Variants in ZNF445 observed in about 807,000 individuals in gnomAD.
ZNF445 encodes the protein zinc finger protein 168.
ZNF445 carries 19 observed loss-of-function variants against 93.9 expected under a neutral mutation model. The ratio of observed to expected loss-of-function variants is 0.20; its 90% CI spans 0.14 to 0.30. The LOEUF is 0.30. Ranked by LOEUF, ZNF445 falls within the 10% of genes least tolerant of loss-of-function variation. ZNF445 has a pLI of 1.00. For synonymous variants in ZNF445, 449 were observed against 446.3 expected, an observed-to-expected ratio of 1.01 and a Z score of -0.08; for missense variants, 1,058 against 1,259.4, an observed-to-expected ratio of 0.84 and a Z score of 2.42.
Position 44,444,860 on chromosome 3 carries a change from G to C in ZNF445, c.*1715C>G, listed in dbSNP as rs972825870. 1 of 152,158 alleles carries C rather than the reference G, an allele frequency of 6.6e-6. No homozygotes were observed. The highest frequency in any genetic ancestry group is 1.5e-5 in the Non-Finnish European group (1 of 68,054). The allele number at this position is 152,158 out of a possible 1,614,324, so 9.4% of individuals were successfully genotyped here. ...TCAAGAAATGACCAGCTCCATGAACGGGCCCCTATAGTCAGGACACTGCTC... is the reference window on the plus strand; with the variant it reads ...TCAAGAAATGACCAGCTCCATGAACCGGCCCCTATAGTCAGGACACTGCTC... On this transcript the variant is annotated 3_prime_UTR_variant, in exon 8 of 8. Coordinates refer to ENST00000396077, the MANE Select transcript of ZNF445 (RefSeq NM_181489.6).
chr3:44,472,976 A>G (rs1159581844), intron 1 of ZNF445, among the ~76,000 whole-genome samples: 2 of 152,132 alleles, frequency 1.3e-5, no homozygotes, highest in Admixed American at 6.5e-5. Flanking sequence ...CAAGATCTTG[A>G]TATTTTTCAA....
rs1697777796 is a variant in ZNF445, at chr3:44,439,963, G to A, written c.*6612C>T. On this transcript the variant is annotated 3_prime_UTR_variant, in exon 8 of 8. Coordinates refer to ENST00000396077, the MANE Select transcript of ZNF445 (RefSeq NM_181489.6). ...TTCCCCTCTGACGCAAAGAGGAAGTGGCTGGGCTTTCTTATCAGCTTGTCC... is the reference window on the plus strand; with the variant it reads ...TTCCCCTCTGACGCAAAGAGGAAGTAGCTGGGCTTTCTTATCAGCTTGTCC... 6.6e-6 allele frequency: 1 copy of A among 152,158 alleles called. No homozygotes were observed. The highest frequency in any genetic ancestry group is 6.5e-5 in the Admixed American group (1 of 15,278). 9.4% of individuals were successfully genotyped at this position (152,158 alleles called of 1,614,324 possible). A position where few individuals can be genotyped will look rare whatever the true frequency, so the allele number is the denominator to read the frequency against.
intron 1 of ZNF445, among the ~76,000 whole-genome samples, chr3:44,475,506 T>C (rs1698335308): frequency 6.6e-6 from 1 of 152,122 alleles, no homozygotes; most frequent in Non-Finnish European, 1.5e-5. Context: ...AGCCAGGTAT[T>C]AAAGATTAAC....
rs981875452 is a variant in ZNF445 at position 44,433,450 on chromosome 3, G to C, written c.*13125C>G. On this transcript the variant is annotated 3_prime_UTR_variant, in exon 8 of 8. Transcript: ENST00000396077. ...CTTTCCTGCTGAGACAGGAGATTGAGGATGTGGACATTTTGTTGAGGAAAG... is the reference window on the plus strand; with the variant it reads ...CTTTCCTGCTGAGACAGGAGATTGACGATGTGGACATTTTGTTGAGGAAAG... The C allele has an allele frequency of 2.0e-5, 3 of 152,206 alleles. No homozygotes were observed. The highest frequency in any genetic ancestry group is 6.5e-5 in the Admixed American group (1 of 15,270). 9.4% of individuals were successfully genotyped at this position (152,206 alleles called of 1,614,324 possible). A position where few individuals can be genotyped will look rare whatever the true frequency, so the allele number is the denominator to read the frequency against.
Position 44,436,853 on chromosome 3 carries a change from C to T in ZNF445, c.*9722G>A, listed in dbSNP as rs1428379086. ...AAATCTCTGCTTAATTATCCCATATCGAATAATTCAGCTTGATCTGACTTT... is the reference window on the plus strand; with the variant it reads ...AAATCTCTGCTTAATTATCCCATATTGAATAATTCAGCTTGATCTGACTTT... On this transcript the variant is annotated 3_prime_UTR_variant, in exon 8 of 8. Transcript: ENST00000396077. 1.3e-5 allele frequency: 2 copies of T among 152,198 alleles called. No individual in the cohort carries two copies. Among genetic ancestry groups the T allele is most frequent in the African/African-American group, 4.8e-5 (2 of 41,452 alleles). 9.4% of individuals were successfully genotyped at this position (152,198 alleles called of 1,614,324 possible).
chr3:44,473,470 CACACACACACACACACACACAA>C (rs1304907527), intron 1 of ZNF445, among the ~76,000 whole-genome samples: 1 of 122,382 alleles, frequency 8.2e-6, no homozygotes, highest in Non-Finnish European at 1.7e-5. Context: ...CACACACACA[CACACACACACACACACACACAA>C]AAAATGCTTT....
rs920260396 is a variant in ZNF445, at chr3:44,443,669, T to G, written c.*2906A>C. On this transcript the variant is annotated 3_prime_UTR_variant, in exon 8 of 8. Coordinates refer to ENST00000396077, the MANE Select transcript of ZNF445 (RefSeq NM_181489.6). ...TACTGAGGAGGCTGAGGCAGGAGAA[T>G]GGTGTGAGCCCAGGAGGCAGAGCTT... The G allele has an allele frequency of 2.0e-5, 3 of 151,268 alleles. No homozygotes were observed. Among genetic ancestry groups the G allele is most frequent in the Non-Finnish European group, 4.4e-5 (3 of 67,888 alleles). 9.4% of individuals were successfully genotyped at this position (151,268 alleles called of 1,614,324 possible). A position where few individuals can be genotyped will look rare whatever the true frequency, so the allele number is the denominator to read the frequency against.
chr3:44,471,556 A>C (rs1186010768), intron 1 of ZNF445, among the ~76,000 whole-genome samples: 1 of 152,266 alleles, frequency 6.6e-6, no homozygotes, highest in Admixed American at 6.5e-5. Flanking sequence ...TGAAATTAAA[A>C]GAGCCACCAC....
chr3:44,477,308 T>C lies in ZNF445; in HGVS notation c.-269+283A>G, dbSNP rs371039167. On this transcript the variant is annotated intron_variant, in intron 1 of 7. Transcript: ENST00000396077. ...TCTACTTTCCCGTGTTATCTAATTG[T>C]CTCTGATAAATACGCTTTATATGCA... is the stretch of plus-strand genomic sequence containing the variant. Among the ~76,000 whole-genome samples, 120 of 152,340 alleles carry C rather than the reference T, an allele frequency of 7.9e-4. No individual in the cohort carries two copies. In the East Asian group the frequency reaches 0.021, roughly 27 times the overall value.
rs199924573 is a variant in ZNF445 at position 44,448,157 on chromosome 3, C to T, written c.1514G>A (p.Arg505Lys). Residue 505 changes from arginine (R) to lysine (K), a missense_variant, in exon 8 of 8, where the codon AGA becomes AAA. By Grantham distance (26) the Arg-to-Lys change is conservative. Transcript: ENST00000396077. ...SHSSHLAYHQ[R>K]LHTQEKAFKC... ...AAATGCTTTCTCTTGAGTGTGAAGT[C>T]TCTGATGATACGCAAGATGGGAGCT... 2.4e-5 allele frequency: 38 copies of T among 1,614,166 alleles called. 1 individual carries two copies. In the East Asian group the frequency reaches 3.6e-4, roughly 15 times the overall value.
At chr3:44,473,841 A>G (rs576041315) in intron 1 of ZNF445, among the ~76,000 whole-genome samples, 2 of 121,028 alleles carry the variant, frequency 1.7e-5, no homozygotes, top group Non-Finnish European at 3.8e-5. Flanking sequence ...TGCAAAGAAT[A>G]AAATAAGTAT....
rs975268734 is a variant in ZNF445 at position 44,436,501 on chromosome 3, C to T, written c.*10074G>A. 3 of 152,200 alleles carry T rather than the reference C, an allele frequency of 2.0e-5. No individual in the cohort carries two copies. Among genetic ancestry groups the T allele is most frequent in the Non-Finnish European group, 4.4e-5 (3 of 68,036 alleles). The allele number at this position is 152,200 out of a possible 1,614,324, so 9.4% of individuals were successfully genotyped here. ...TCTCATAATGAAGTGTCCTCTGGAC[C>T]CTCCCTGGGTGGGTGAGCAGGTATT... On this transcript the variant is annotated 3_prime_UTR_variant, in exon 8 of 8. Coordinates refer to ENST00000396077, the MANE Select transcript of ZNF445 (RefSeq NM_181489.6).
At position 44,435,739 on chromosome 3, in the gene ZNF445, C is replaced by T. The variant is rs966554337; in HGVS notation, c.*10836G>A. ...GTTGACTATGTCTATTCTAATTACG[C>T]ATTCTAGAACCAGGGAAATAACCAT... On this transcript the variant is annotated 3_prime_UTR_variant, in exon 8 of 8. Transcript: ENST00000396077. 2.0e-5 allele frequency: 3 copies of T among 152,158 alleles called. No homozygotes were observed. The highest frequency in any genetic ancestry group is 7.2e-5 in the African/African-American group (3 of 41,434). The allele number at this position is 152,158 out of a possible 1,614,324, so 9.4% of individuals were successfully genotyped here. A position where few individuals can be genotyped will look rare whatever the true frequency, so the allele number is the denominator to read the frequency against.
Position 44,442,747 on chromosome 3 carries a change from A to T in ZNF445, c.*3828T>A, listed in dbSNP as rs931750586. The T allele has an allele frequency of 3.3e-5, 5 of 152,222 alleles. No individual in the cohort carries two copies. Among genetic ancestry groups the T allele is most frequent in the African/African-American group, 1.2e-4 (5 of 41,448 alleles). 9.4% of individuals were successfully genotyped at this position (152,222 alleles called of 1,614,324 possible). On this transcript the variant is annotated 3_prime_UTR_variant, in exon 8 of 8. Coordinates refer to ENST00000396077, the MANE Select transcript of ZNF445 (RefSeq NM_181489.6). ...AAGATGAGACCTGGTGCTCAGGGCA[A>T]TCAGAAACTGTCAACTGAAGCCAAA...
At chr3:44,475,039 G>A (rs1698327345) in intron 1 of ZNF445, among the ~76,000 whole-genome samples, 1 of 152,092 alleles carries the variant, frequency 6.6e-6, no homozygotes, top group South Asian at 2.1e-4. Context: ...GCGGGGCAGA[G>A]GTTGCAGTGA....
chr3:44,446,642 T>C lies in ZNF445; in HGVS notation c.3029A>G (p.Lys1010Arg), dbSNP rs779869564. Residue 1010 changes from lysine (K) to arginine (R), a missense_variant, in exon 8 of 8, where the codon AAG becomes AGG. Physicochemically the swap from Lys to Arg is conservative, Grantham distance 26. This residue lies in a region of ZNF445 where 387 missense variants were observed against 475.7 expected (regional missense o/e 0.81). Transcript: ENST00000396077. The surrounding 1 kb of genome is among the most constrained non-coding windows in gnomAD (Gnocchi z 4.2). ...HTRERPFKCS[K>R]CGKTFRWSSN... ...AGACCACCTGAAGGTCTTTCCACACTTGCTGCATTTGAAGGGCCTCTCTCG... is the reference window on the plus strand; with the variant it reads ...AGACCACCTGAAGGTCTTTCCACACCTGCTGCATTTGAAGGGCCTCTCTCG... The C allele has an allele frequency of 1.2e-6, 2 of 1,614,236 alleles. No individual in the cohort carries two copies. The highest frequency in any genetic ancestry group is 8.5e-7 in the Non-Finnish European group (1 of 1,180,036).
At chr3:44,463,622 TA>T (rs1698151318) in intron 1 of ZNF445, among the ~76,000 whole-genome samples, 1 of 152,012 alleles carries the variant, frequency 6.6e-6, no homozygotes, top group Admixed American at 6.5e-5. Context: ...AATAACTAAG[TA>T]GGAAATATAC....
Position 44,447,368 on chromosome 3 carries a change from C to A in ZNF445, c.2303G>T (p.Gly768Val), listed in dbSNP as rs1178991412. The A allele has an allele frequency of 1.2e-6, 2 of 1,614,180 alleles. No individual in the cohort carries two copies. The highest frequency in any genetic ancestry group is 1.1e-5 in the South Asian group (1 of 91,084). The change falls in exon 8 of 8, where the codon GGC (glycine) becomes GTC (valine). Residue 768 changes from glycine (G) to valine (V), a missense_variant. Coordinates refer to ENST00000396077, the MANE Select transcript of ZNF445 (RefSeq NM_181489.6). The surrounding 1 kb of genome is among the most constrained non-coding windows in gnomAD (Gnocchi z 4.7). ...GAATGAGTGATTGCGGAAGGCCTTG[C>A]CACACTGGCTGCATTTGTAGGGCTC... ...KEEPYKCSQC[G>V]KAFRNHSFLL...
chr3:44,450,021 G>A, intron 6 of ZNF445: 2 of 301,612 alleles, frequency 6.6e-6, no homozygotes, highest in Non-Finnish European at 1.3e-5. Flanking sequence ...GCTCACTGCA[G>A]CCTCATCCTC....
Sources: allele counts gnomAD v4.1 joint callset (sites outside exome capture counted in the v4.1 genomes callset), GRCh38; gene constraint gnomAD v4.1.1; regional missense constraint gnomAD v4.1.1; non-coding constraint Gnocchi (gnomAD v3.1); transcripts MANE v1.5; gene names NCBI Gene and HGNC (gene_info 2026-07-23, HGNC 2026-07-21).